Variants in MEIS3 observed in about 807,000 individuals in gnomAD.
MEIS3 encodes Meis homeobox 3, also known as homeobox protein Meis3.
A neutral mutation model predicts 51.4 loss-of-function variants in MEIS3; 38 were observed. The ratio of observed to expected loss-of-function variants is 0.74; its 90% CI spans 0.57 to 0.97. MEIS3 has a LOEUF of 0.97. Among genes scored for constraint, MEIS3 ranks in the 50% least tolerant of loss-of-function variants. The pLI, the probability that MEIS3 is intolerant of heterozygous loss-of-function variation, is 0.00. For missense variants in MEIS3, 456 were observed against 502.6 expected (o/e 0.91, Z 0.89); for synonymous variants, 198 against 201.8 (o/e 0.98, Z 0.16).
chr19:47,416,130 A>C (rs1971399651), intron 4 of MEIS3: 1 of 152,778 alleles, frequency 6.5e-6, no homozygotes, highest in Non-Finnish European at 1.5e-5. Context: ...CCCTGGCCTC[A>C]AGCTATCTCC....
upstream of MEIS3, among the ~76,000 whole-genome samples, chr19:47,420,940 A>ACTCT (rs71180840): frequency 0.031 from 2,830 of 90,522 alleles, 62 homozygotes; most frequent in Non-Finnish European, 0.042. Context: ...ACACACACAC[A>ACTCT]CTCTCTCTCT....
At chr19:47,414,887 T>TG (rs528010330) in intron 5 of MEIS3, 21 bp from the exon 6 acceptor site, 33,048 of 715,242 alleles carry the variant, frequency 0.046, 433 homozygotes, top group South Asian at 0.053. Context: ...ACCGGGGTAC[T>TG]GGGGGGGGCC....
At chr19:47,403,927 C>T (rs759582238) in intron 12 of MEIS3, among the ~76,000 whole-genome samples, 1 of 151,936 alleles carries the variant, frequency 6.6e-6, no homozygotes, top group Non-Finnish European at 1.5e-5. Context: ...GGAGGCTGGG[C>T]GCGGTGACTC....
chr19:47,414,871 G>T lies in MEIS3; in HGVS notation c.448-5C>A. ...GTTGTCGCACAGGTCGTGGACCTGG[G>T]GGGGCACCGGGGTACTGGGGGGGGC... On this transcript the variant is annotated splice_region_variant and splice_polypyrimidine_tract_variant and intron_variant, in intron 5 of 12. Coordinates refer to ENST00000558555, the MANE Select transcript of MEIS3 (RefSeq NM_001301059.2). The T allele has an allele frequency of 6.2e-7, 1 of 1,610,650 alleles. No individual in the cohort carries two copies. The highest frequency in any genetic ancestry group is 8.5e-7 in the Non-Finnish European group (1 of 1,178,668).
intron 6 of MEIS3, among the ~76,000 whole-genome samples, chr19:47,410,634 T>G (rs543587641): frequency 2.0e-5 from 3 of 151,334 alleles, no homozygotes; most frequent in Admixed American, 2.0e-4. Flanking sequence ...GGCGTGGTGG[T>G]GGGCGCCTGT....
chr19:47,420,946 T>A (rs866889974), upstream of MEIS3, among the ~76,000 whole-genome samples: 8,712 of 90,542 alleles, frequency 0.096, 398 homozygotes, highest in South Asian at 0.2. Context: ...ACACACTCTC[T>A]CTCTCTCTCT....
At chr19:47,415,133 AGAGGGAATTGGGG>A in intron 4 of MEIS3, 32 bp from the exon 5 acceptor site, 1 of 1,040,164 alleles carries the variant, frequency 9.6e-7, no homozygotes, top group Non-Finnish European at 1.4e-6. Context: ...GGGGGGAGAC[AGAGGGAATTGGGG>A]GAGGGAGCAG....
chr19:47,419,977 C>A (rs529769808), upstream of MEIS3, among the ~76,000 whole-genome samples: 1 of 152,200 alleles, frequency 6.6e-6, no homozygotes, highest in South Asian at 2.1e-4. Context: ...GGGCAGTGCG[C>A]TGGGGGCGGC....
chr19:47,415,227 A>T (rs904192362), intron 4 of MEIS3, 126 bp from the exon 5 acceptor site: 2 of 686,574 alleles, frequency 2.9e-6, no homozygotes, highest in African/African-American at 3.6e-5. Context: ...AGACAAAATG[A>T]CAGGGACAGG....
chr19:47,417,109 G>T, intron 2 of MEIS3, 69 bp downstream of exon 2: 1 of 1,540,346 alleles, frequency 6.5e-7, no homozygotes, highest in South Asian at 1.3e-5. Flanking sequence ...GACAGAAGCA[G>T]ACCCAGGGAG....
At chr19:47,410,826 AATG>A (rs1971097536) in intron 6 of MEIS3, among the ~76,000 whole-genome samples, 1 of 152,232 alleles carries the variant, frequency 6.6e-6, no homozygotes, top group Non-Finnish European at 1.5e-5. Flanking sequence ...GCCAGTATTC[AATG>A]ATGAGTTTGT....
chr19:47,409,422 C>G lies in MEIS3; in HGVS notation c.709+14G>C. On this transcript the variant is annotated intron_variant, in intron 7 of 12. Coordinates refer to ENST00000558555, the MANE Select transcript of MEIS3 (RefSeq NM_001301059.2). The stretch of plus-strand genomic sequence containing the variant: ...TGACTCCCATGTTTCCCTTCCACCT[C>G]CCAAGATTCTCACCTTGGTCACTGG... The G allele has an allele frequency of 6.2e-7, 1 of 1,605,106 alleles. No individual in the cohort carries two copies. The highest frequency in any genetic ancestry group is 1.7e-4 in the Middle Eastern group (1 of 6,038).
chr19:47,408,860 C>T (rs911429785), intron 8 of MEIS3, among the ~76,000 whole-genome samples: 2 of 152,124 alleles, frequency 1.3e-5, no homozygotes, highest in Middle Eastern at 3.4e-3. Flanking sequence ...GATTGATGCG[C>T]GGGTTAATGG....
rs1179997839 is a variant in MEIS3, at chr19:47,415,092, C to T, written c.406G>A (p.Ala136Thr). Residue 136 changes from alanine (A) to threonine (T), a missense_variant, in exon 5 of 13, where the codon GCC (alanine) becomes ACC (threonine). Physicochemically the swap from Ala to Thr is moderately conservative, Grantham distance 58 (BLOSUM62 0). Coordinates refer to ENST00000558555, the MANE Select transcript of MEIS3 (RefSeq NM_001301059.2). ...NPELDNLMIQ[A>T]IQVLRFHLLE... ...AGGTGGAACCGCAGCACCTGGATGGCCTGGATCATCTGAAAACGTGGGCGG... is the reference window on the plus strand; with the variant it reads ...AGGTGGAACCGCAGCACCTGGATGGTCTGGATCATCTGAAAACGTGGGCGG... 2 of 1,532,726 alleles carry T rather than the reference C, an allele frequency of 1.3e-6. No homozygotes were observed. The highest frequency in any genetic ancestry group is 1.7e-6 in the Non-Finnish European group (2 of 1,148,068). 94.9% of individuals were successfully genotyped at this position (1,532,726 alleles called of 1,614,324 possible).
upstream of MEIS3, among the ~76,000 whole-genome samples, chr19:47,420,476 C>T (rs1335457549): frequency 1.4e-5 from 2 of 145,256 alleles, no homozygotes; most frequent in African/African-American, 5.6e-5. Context: ...GGGGATGGGG[C>T]CTAACTGGAG....
At chr19:47,411,940 C>T (rs553260524) in intron 6 of MEIS3, among the ~76,000 whole-genome samples, 6 of 149,978 alleles carry the variant, frequency 4.0e-5, no homozygotes, top group Non-Finnish European at 8.9e-5. Context: ...AACTCCTGGG[C>T]TTAAGCAATC....
At chr19:47,414,291 T>C (rs1971281663) in intron 6 of MEIS3, among the ~76,000 whole-genome samples, 1 of 152,024 alleles carries the variant, frequency 6.6e-6, no homozygotes, top group Non-Finnish European at 1.5e-5. Context: ...GGAGCGGGTG[T>C]GTGTATGCAG....
Position 47,406,226 on chromosome 19 carries a change from A to G in MEIS3, c.*17+234T>C, listed in dbSNP as rs1434603057. 3 of 450,038 alleles carry G rather than the reference A, an allele frequency of 6.7e-6. No individual in the cohort carries two copies. The East Asian group carries it at 1.1e-4, about 17-fold the overall frequency. The allele number at this position is 450,038 out of a possible 1,614,324, so 27.9% of individuals were successfully genotyped here. ...AATTGAGTAACGGATGGATAAAGAT[A>G]TGGATGGGTGAGTGAGTGGGTAGAT... On this transcript the variant is annotated intron_variant, in intron 12 of 12. Coordinates refer to ENST00000558555, the MANE Select transcript of MEIS3 (RefSeq NM_001301059.2).
intron 6 of MEIS3, among the ~76,000 whole-genome samples, chr19:47,411,587 C>A (rs1246324295): frequency 6.7e-6 from 1 of 149,942 alleles, no homozygotes; most frequent in African/African-American, 2.5e-5. Flanking sequence ...GTCCCCCAGG[C>A]TGGAGTGCAA....
Sources: allele counts gnomAD v4.1 joint callset (sites outside exome capture counted in the v4.1 genomes callset), GRCh38; gene constraint gnomAD v4.1.1; transcripts MANE v1.5; gene names NCBI Gene and HGNC (gene_info 2026-07-23, HGNC 2026-07-21).